Variants in STRIP2 observed in about 807,000 individuals in gnomAD.
STRIP2 encodes striatin interacting protein 2.
In STRIP2, 84 loss-of-function variants were observed where a neutral mutation model predicts 107.1. That is an observed-to-expected ratio of 0.78 (90% CI 0.66 to 0.94). The LOEUF is 0.94. Among genes scored for constraint, STRIP2 ranks in the 40% least tolerant of loss-of-function variants. The pLI is 0.00. For missense variants in STRIP2, 888 were observed against 1,034.2 expected (o/e 0.86, Z 1.94); for synonymous variants, 394 against 400.4 (o/e 0.98, Z 0.19).
chr7:129,444,302 G>T (rs1267840983), intron 3 of STRIP2, among the ~76,000 whole-genome samples: 1 of 152,096 alleles, frequency 6.6e-6, no homozygotes, highest in Non-Finnish European at 1.5e-5. Context: ...CAATCACAAG[G>T]TCCCATAATA....
intron 1 of STRIP2, among the ~76,000 whole-genome samples, chr7:129,437,572 T>G (rs185014679): frequency 6.6e-6 from 1 of 152,270 alleles, no homozygotes; most frequent in East Asian, 1.9e-4. Flanking sequence ...AAAGGTATCA[T>G]TTTTCCAAAA....
intron 20 of STRIP2, chr7:129,484,354 T>C (rs1040616500): frequency 6.6e-6 from 1 of 152,076 alleles, no homozygotes; most frequent in Non-Finnish European, 1.5e-5. Flanking sequence ...TTTGGAAAAA[T>C]TTATTTTGGA....
At position 129,485,707 on chromosome 7, in the gene STRIP2, C is replaced by T. The variant is rs1799229392; in HGVS notation, c.2383C>T (p.Gln795Ter). Residue 795 changes from glutamine to a stop codon, truncating the protein, a stop_gained, in exon 21 of 21, where the codon CAG becomes TAG. Transcript: ENST00000249344. LOFTEE classifies it high-confidence loss of function. ...GTTTTCACCTGTGGATAACTGCTTG[C>T]AGAGCGTACTGGGGCAGAGGTTGGA... ...SEFSPVDNCLQSVLGQRLDLP... is the reference protein window; with the variant it reads ...SEFSPVDNCL 6.2e-7 allele frequency: 1 copy of T among 1,614,026 alleles called. No individual in the cohort carries two copies. The highest frequency in any genetic ancestry group is 1.7e-5 in the Admixed American group (1 of 59,994).
chr7:129,443,953 C>A, intron 2 of STRIP2, 71 bp from the exon 3 acceptor site: 1 of 1,159,160 alleles, frequency 8.6e-7, no homozygotes, highest in South Asian at 1.2e-5. Context: ...CTCTTTCATG[C>A]CACCCTCTCT....
chr7:129,474,911 G>A (rs1227658985), intron 18 of STRIP2, among the ~76,000 whole-genome samples: 2 of 152,156 alleles, frequency 1.3e-5, no homozygotes, highest in East Asian at 3.8e-4. Flanking sequence ...TGAAATAAAG[G>A]TGAGCTAATG....
chr7:129,454,189 T>C lies in STRIP2; in HGVS notation c.578T>C (p.Ile193Thr). Residue 193 changes from isoleucine (I) to threonine (T), a missense_variant, in exon 6 of 21, where the codon ATA (isoleucine) becomes ACA (threonine). By Grantham distance (89) the Ile-to-Thr change is moderately conservative (BLOSUM62 -1). Transcript: ENST00000249344. ...GCCCTTCGGAAACCAGCTGTCTCCA[T>C]AGCTGATAGCACAGAGCTCAGGTGA... ...SSALRKPAVS[I>T]ADSTELRVLL... 1.9e-6 allele frequency: 3 copies of C among 1,614,168 alleles called. No homozygotes were observed. Among genetic ancestry groups the C allele is most frequent in the Non-Finnish European group, 2.5e-6 (3 of 1,180,022 alleles).
chr7:129,456,339 A>AGAGG, intron 8 of STRIP2, 100 bp from the exon 9 acceptor site: 1 of 1,001,570 alleles, frequency 1.0e-6, no homozygotes, highest in Non-Finnish European at 1.5e-6. Flanking sequence ...AAGGGACTGG[A>AGAGG]GGTTGTGGCC....
intron 4 of STRIP2, 47 bp from the exon 5 acceptor site, chr7:129,453,180 G>C: frequency 6.2e-7 from 1 of 1,610,866 alleles, no homozygotes; most frequent in Non-Finnish European, 8.5e-7. Flanking sequence ...GAAAGAACTG[G>C]GATACTGCCA....
intron 18 of STRIP2, among the ~76,000 whole-genome samples, chr7:129,477,513 A>ACCC (rs1450603403): frequency 2.0e-5 from 3 of 152,134 alleles, no homozygotes; most frequent in African/African-American, 7.2e-5. Context: ...AAACTCACAT[A>ACCC]CCCAGGTATG....
At chr7:129,474,044 T>A (rs1798857428) in intron 18 of STRIP2, among the ~76,000 whole-genome samples, 1 of 152,220 alleles carries the variant, frequency 6.6e-6, no homozygotes, top group South Asian at 2.1e-4. Context: ...TAGTTACACA[T>A]AATATTCCAC....
At chr7:129,444,286 C>T (rs1020273055) in intron 3 of STRIP2, among the ~76,000 whole-genome samples, 188 bp downstream of exon 3, 8 of 152,100 alleles carry the variant, frequency 5.3e-5, no homozygotes, top group Admixed American at 3.9e-4. Flanking sequence ...TAAGTATTAA[C>T]TTACACAATC....
chr7:129,436,686 C>T (rs1797748689), intron 1 of STRIP2, among the ~76,000 whole-genome samples: 1 of 152,126 alleles, frequency 6.6e-6, no homozygotes, highest in Admixed American at 6.5e-5. Context: ...TTTTGCTTTC[C>T]TGTGGAAGGC....
At chr7:129,477,887 C>A in intron 18 of STRIP2, 1 of 502,170 alleles carries the variant, frequency 2.0e-6, no homozygotes, top group Non-Finnish European at 4.0e-6. Context: ...GAGCAAAGCT[C>A]ACCCTCCTGA....
chr7:129,475,386 G>A lies in STRIP2; in HGVS notation c.1944+4671G>A, dbSNP rs566816324. On this transcript the variant is annotated intron_variant, in intron 18 of 20. Coordinates refer to ENST00000249344, the MANE Select transcript of STRIP2 (RefSeq NM_020704.3). ...TATTGATCATTCTTGGGTGTTTCTCGCAGAGGGGGATTTGGCAGGGTCACA... is the reference window on the plus strand; with the variant it reads ...TATTGATCATTCTTGGGTGTTTCTCACAGAGGGGGATTTGGCAGGGTCACA... Among the ~76,000 whole-genome samples, 12 of 150,170 alleles carry A rather than the reference G, an allele frequency of 8.0e-5. No individual in the cohort carries two copies. In the East Asian group the frequency reaches 9.7e-4, roughly 12 times the overall value.
chr7:129,458,375 C>G lies in STRIP2; in HGVS notation c.1199C>G (p.Pro400Arg). The G allele has an allele frequency of 6.2e-7, 1 of 1,613,900 alleles. No homozygotes were observed. The highest frequency in any genetic ancestry group is 8.5e-7 in the Non-Finnish European group (1 of 1,179,932). Residue 400 changes from proline (P) to arginine (R), a missense_variant, in exon 10 of 21, where the codon CCT becomes CGT. By Grantham distance (103) the Pro-to-Arg change is moderately radical. Transcript: ENST00000249344. This position sits in a 1 kb window ranked among gnomAD's most constrained non-coding sequence, Gnocchi z 4.6. ...CTAGAGCAGGACCCTCTGGTGCCACCTCCACCCTCACAGGCACCCCTCTCT... is the reference window on the plus strand; with the variant it reads ...CTAGAGCAGGACCCTCTGGTGCCACGTCCACCCTCACAGGCACCCCTCTCT... ...DLLEQDPLVP[P>R]PPSQAPLSAE... is the part of the protein sequence containing the mutation.
intron 2 of STRIP2, among the ~76,000 whole-genome samples, chr7:129,440,906 T>G (rs957166308): frequency 6.6e-6 from 1 of 152,176 alleles, no homozygotes; most frequent in Admixed American, 6.5e-5. Flanking sequence ...TTAAAGACGT[T>G]CTTGTGCATG....
intron 5 of STRIP2, among the ~76,000 whole-genome samples, chr7:129,453,823 G>A (rs1486866982): frequency 6.6e-6 from 1 of 152,164 alleles, no homozygotes; most frequent in Non-Finnish European, 1.5e-5. Context: ...TCACCCAGGA[G>A]TTTGAGATAG....
rs149881805 is a variant in STRIP2 at position 129,436,212 on chromosome 7, G to A, written c.129+1611G>A. Among the ~76,000 whole-genome samples the A allele has an allele frequency of 4.9e-3, 753 of 152,300 alleles. 6 individuals carry two copies. The highest frequency in any genetic ancestry group is 0.017 in the African/African-American group (699 of 41,558). On this transcript the variant is annotated intron_variant, in intron 1 of 20. Transcript: ENST00000249344. Reference sequence around the variant, plus strand: ...GCCAGCCACTGTTTTAGGTGCCAGGGATATATCAGTGAACAAGATAGGGTC... The same window carrying A: ...GCCAGCCACTGTTTTAGGTGCCAGGAATATATCAGTGAACAAGATAGGGTC...
chr7:129,478,499 G>C (rs1431935805), intron 18 of STRIP2, among the ~76,000 whole-genome samples: 1 of 152,180 alleles, frequency 6.6e-6, no homozygotes, highest in Non-Finnish European at 1.5e-5. Context: ...GACAGTGTCA[G>C]ACTCCATCTC....
Sources: gnomAD v4.1 joint callset for allele counts (sites outside exome capture counted in the v4.1 genomes callset) on GRCh38, gnomAD v4.1.1 for gene constraint, Gnocchi (gnomAD v3.1) non-coding constraint, MANE v1.5 for transcripts, NCBI Gene and HGNC (gene_info 2026-07-23, HGNC 2026-07-21) for gene names.